Variants in STXBP4 observed in about 807,000 individuals in gnomAD.
STXBP4 encodes syntaxin-binding protein 4.
In STXBP4, 55 loss-of-function variants were observed where a neutral mutation model predicts 76.1. The observed-to-expected ratio is 0.72, with a 90% CI of 0.58 to 0.91. The LOEUF (loss-of-function observed/expected upper bound fraction) is 0.91. STXBP4 is among the 40% of genes least tolerant of loss of function. STXBP4 has a pLI of 0.00. For missense variants in STXBP4, 618 were observed against 636.9 expected, an observed-to-expected ratio of 0.97 and a Z score of 0.32; for synonymous variants, 201 against 220.2, an observed-to-expected ratio of 0.91 and a Z score of 0.77.
rs1234712657 is a variant in STXBP4 at position 55,129,704 on chromosome 17, A to G, written c.1490-11606A>G. ...TAGTTACATTTTCCTTCCTAGAAAC[A>G]ACAAAAAAGTGTCCCATCTCTAATT... On this transcript the variant is annotated intron_variant, in intron 16 of 17. Transcript: ENST00000376352. Among the ~76,000 whole-genome samples the G allele has an allele frequency of 2.0e-5, 3 of 152,226 alleles. No individual in the cohort carries two copies. In the East Asian group the frequency reaches 5.8e-4, roughly 29 times the overall value.
chr17:55,188,473 C>G, the STXBP4 span, among the ~76,000 whole-genome samples: 10 of 152,188 alleles, frequency 6.6e-5, no homozygotes, highest in African/African-American at 9.7e-5. Flanking sequence ...TTCTCTCTCC[C>G]TAGAACAGTG....
chr17:54,982,041 G>A (rs1453361447), intron 1 of STXBP4, among the ~76,000 whole-genome samples: 1 of 152,132 alleles, frequency 6.6e-6, no homozygotes, highest in Non-Finnish European at 1.5e-5. Context: ...AGAGTAACAG[G>A]CACTATAGTT....
intron 16 of STXBP4, among the ~76,000 whole-genome samples, chr17:55,105,680 G>C (rs1475911294): frequency 6.6e-6 from 1 of 150,734 alleles, no homozygotes; most frequent in Non-Finnish European, 1.5e-5. Flanking sequence ...GGGTTTCACT[G>C]TGTTAGCCCG....
intron 12 of STXBP4, among the ~76,000 whole-genome samples, chr17:55,050,054 A>G (rs2078840312): frequency 6.6e-6 from 1 of 152,084 alleles, no homozygotes; most frequent in Non-Finnish European, 1.5e-5. Context: ...AAAAAAGAAG[A>G]TACAGTTAGA....
rs1287816518 is a variant in STXBP4, at chr17:55,163,526, G to A, written c.*3615G>A. The A allele has an allele frequency of 6.6e-6, 1 of 152,102 alleles. No homozygotes were observed. The highest frequency in any genetic ancestry group is 1.5e-5 in the Non-Finnish European group (1 of 68,032). 9.4% of individuals were successfully genotyped at this position (152,102 alleles called of 1,614,324 possible). ...TCTTTGGGCCTCACTTTCCCTATCTGAATAATAAGGATAGTAATCCCTTGC... is the reference window on the plus strand; with the variant it reads ...TCTTTGGGCCTCACTTTCCCTATCTAAATAATAAGGATAGTAATCCCTTGC... On this transcript the variant is annotated 3_prime_UTR_variant, in exon 18 of 18. Transcript: ENST00000376352.
At chr17:55,102,901 G>A (rs912799367) in intron 16 of STXBP4, among the ~76,000 whole-genome samples, 3 of 152,130 alleles carry the variant, frequency 2.0e-5, no homozygotes, top group African/African-American at 7.2e-5. Flanking sequence ...TTTTTCATAT[G>A]TTTTTTGACC....
chr17:55,189,958 A>G, the STXBP4 span, among the ~76,000 whole-genome samples: 1 of 152,198 alleles, frequency 6.6e-6, no homozygotes, highest in Non-Finnish European at 1.5e-5. Context: ...ATATTGTTGA[A>G]AGTAGGCAGT....
At chr17:55,067,139 C>T (rs1053645264) in intron 12 of STXBP4, among the ~76,000 whole-genome samples, 1 of 152,036 alleles carries the variant, frequency 6.6e-6, no homozygotes, top group Non-Finnish European at 1.5e-5. Context: ...AAGTAGAGTA[C>T]CTGCTCATAT....
chr17:54,974,310 C>G (rs899643768), intron 1 of STXBP4, among the ~76,000 whole-genome samples: 1 of 152,182 alleles, frequency 6.6e-6, no homozygotes, highest in Non-Finnish European at 1.5e-5. Flanking sequence ...ATGGTGTTTG[C>G]TTAAGAAAAG....
At chr17:54,998,679 T>C (rs2077855030) in intron 4 of STXBP4, among the ~76,000 whole-genome samples, 1 of 152,052 alleles carries the variant, frequency 6.6e-6, no homozygotes, top group African/African-American at 2.4e-5. Context: ...GAAATATGGG[T>C]AGGATCAATA....
chr17:55,090,496 A>G (rs1877125584), intron 16 of STXBP4, among the ~76,000 whole-genome samples: 1 of 152,078 alleles, frequency 6.6e-6, no homozygotes, highest in African/African-American at 2.4e-5. Context: ...TCCAACAACA[A>G]TTTGGTCAAA....
chr17:55,021,609 A>T (rs1406615521), intron 8 of STXBP4, among the ~76,000 whole-genome samples: 2 of 152,014 alleles, frequency 1.3e-5, no homozygotes, highest in Non-Finnish European at 2.9e-5. Flanking sequence ...TTTCTTCATA[A>T]ATTTTGGTAT....
chr17:55,039,458 G>T (rs757284568), intron 10 of STXBP4, among the ~76,000 whole-genome samples: 2 of 152,012 alleles, frequency 1.3e-5, no homozygotes, highest in African/African-American at 2.4e-5. Flanking sequence ...GAGCCATTAA[G>T]GAAAACAGTT....
At chr17:55,207,922 C>T in the STXBP4 span, among the ~76,000 whole-genome samples, 4 of 151,950 alleles carry the variant, frequency 2.6e-5, no homozygotes, top group Admixed American at 2.0e-4. Flanking sequence ...TTACTTTTCA[C>T]TCTATTTCTG....
chr17:55,143,978 C>A (rs1054282105), intron 17 of STXBP4, among the ~76,000 whole-genome samples: 2 of 150,562 alleles, frequency 1.3e-5, no homozygotes, highest in Non-Finnish European at 3.0e-5. Context: ...GATTCAGATC[C>A]AGGGTTGTCT....
chr17:55,147,686 A>G (rs986830559), intron 17 of STXBP4, among the ~76,000 whole-genome samples: 8 of 152,250 alleles, frequency 5.3e-5, no homozygotes, highest in Non-Finnish European at 1.2e-4. Context: ...AACATTACAA[A>G]TGCGTATCAG....
chr17:55,075,502 GT>G (rs2079171006), intron 13 of STXBP4, among the ~76,000 whole-genome samples: 1 of 152,114 alleles, frequency 6.6e-6, no homozygotes, highest in Non-Finnish European at 1.5e-5. Flanking sequence ...TTTAGTGCAT[GT>G]ATCCTGCTCC....
At chr17:55,033,152 T>A (rs2078538399) in intron 9 of STXBP4, among the ~76,000 whole-genome samples, 1 of 152,108 alleles carries the variant, frequency 6.6e-6, no homozygotes, top group Non-Finnish European at 1.5e-5. Context: ...GGTGGGTGCG[T>A]CACCTGAGGT....
At chr17:55,062,651 C>G (rs2079008234) in intron 12 of STXBP4, among the ~76,000 whole-genome samples, 1 of 152,128 alleles carries the variant, frequency 6.6e-6, no homozygotes, top group Admixed American at 6.5e-5. Flanking sequence ...ATTTCTGGTT[C>G]TAGATCCTTG....
Sources: allele counts gnomAD v4.1 joint callset (sites outside exome capture counted in the v4.1 genomes callset), GRCh38; gene constraint gnomAD v4.1.1; transcripts MANE v1.5; gene names NCBI Gene and HGNC (gene_info 2026-07-23, HGNC 2026-07-21).